The following LRMDA variants were observed in gnomAD, a reference collection of about 807,000 sequenced individuals.
LRMDA encodes the protein leucine rich melanocyte differentiation associated.
In LRMDA, 18 loss-of-function variants were observed where a neutral mutation model predicts 29.8. That is an observed-to-expected ratio of 0.60 (90% CI 0.42 to 0.90). The LOEUF is 0.90. Ranked by LOEUF, LRMDA falls within the 40% of genes least tolerant of loss-of-function variation. The probability of loss-of-function intolerance (pLI) is 0.00; values close to 1 mark genes in which losing one functional copy is unlikely to be tolerated. For missense variants in LRMDA, 273 were observed against 273.9 expected (o/e 1.00, Z 0.02); for synonymous variants, 125 against 109.4 (o/e 1.14, Z -0.89).
At chr10:75,717,534 C>T (rs961702833) in intron 2 of LRMDA, among the ~76,000 whole-genome samples, 4 of 152,206 alleles carry the variant, frequency 2.6e-5, no homozygotes, top group African/African-American at 9.7e-5. Flanking sequence ...CCTGCTGCAG[C>T]TTGTCTCTTC....
chr10:76,376,406 C>A (rs554939922), intron 6 of LRMDA, among the ~76,000 whole-genome samples: 2 of 152,170 alleles, frequency 1.3e-5, no homozygotes, highest in South Asian at 2.1e-4. Context: ...TACATACATA[C>A]AAACATACAC....
intron 2 of LRMDA, among the ~76,000 whole-genome samples, chr10:75,578,489 A>G (rs1840540657): frequency 6.6e-6 from 1 of 152,128 alleles, no homozygotes; most frequent in African/African-American, 2.4e-5. Context: ...TATTAGATCA[A>G]TGAGACAGAA....
chr10:76,284,921 C>A (rs1248984476), intron 5 of LRMDA, among the ~76,000 whole-genome samples: 1 of 152,172 alleles, frequency 6.6e-6, no homozygotes, highest in Non-Finnish European at 1.5e-5. Context: ...TGTGAGGCCT[C>A]CCCATCCATG....
At chr10:75,806,422 G>T (rs1843853224) in intron 2 of LRMDA, among the ~76,000 whole-genome samples, 1 of 152,206 alleles carries the variant, frequency 6.6e-6, no homozygotes, top group Admixed American at 6.5e-5. Flanking sequence ...AATTGTCAAT[G>T]ATTCTGGGTA....
intron 2 of LRMDA, among the ~76,000 whole-genome samples, chr10:75,722,142 A>G (rs1192263711): frequency 6.6e-6 from 1 of 152,172 alleles, no homozygotes; most frequent in East Asian, 1.9e-4. Flanking sequence ...ACAAATGGGT[A>G]TCAGTGGCCC....
intron 2 of LRMDA, among the ~76,000 whole-genome samples, chr10:75,970,337 T>C (rs1299177563): frequency 6.6e-6 from 1 of 152,206 alleles, no homozygotes; most frequent in Non-Finnish European, 1.5e-5. Flanking sequence ...TTCAGACCTT[T>C]CCATGGTGCC....
chr10:75,483,198 C>T (rs909292130), intron 2 of LRMDA, among the ~76,000 whole-genome samples: 2 of 152,212 alleles, frequency 1.3e-5, no homozygotes, highest in Admixed American at 6.5e-5. Flanking sequence ...CCACCCGCCT[C>T]AGCCTCCTAA....
chr10:76,392,957 G>A (rs543423926), intron 6 of LRMDA, among the ~76,000 whole-genome samples: 137 of 152,100 alleles, frequency 9.0e-4, no homozygotes, highest in Non-Finnish European at 1.6e-3. Context: ...TTCTTTGCCA[G>A]GCATATTTTA....
At chr10:76,435,258 C>T in intron 6 of LRMDA, among the ~76,000 whole-genome samples, 1 of 152,170 alleles carries the variant, frequency 6.6e-6, no homozygotes, top group Admixed American at 6.5e-5. Context: ...CTTCTCCAGG[C>T]CACACAGGAA....
chr10:76,079,653 G>A (rs1376260851), intron 5 of LRMDA, among the ~76,000 whole-genome samples: 1 of 152,176 alleles, frequency 6.6e-6, no homozygotes, highest in Non-Finnish European at 1.5e-5. Flanking sequence ...GGCCCAAGAA[G>A]TATGGAAAAG....
chr10:75,843,308 C>A (rs1304760462), intron 2 of LRMDA, among the ~76,000 whole-genome samples: 1 of 152,182 alleles, frequency 6.6e-6, no homozygotes, highest in Non-Finnish European at 1.5e-5. Flanking sequence ...TGAGGAAATG[C>A]ATTTCAGAGA....
chr10:75,560,216 T>A (rs1840273118), intron 2 of LRMDA, among the ~76,000 whole-genome samples: 1 of 152,074 alleles, frequency 6.6e-6, no homozygotes, highest in Non-Finnish European at 1.5e-5. Context: ...CATTGAGCAG[T>A]GGTTTGTAGT....
intron 2 of LRMDA, among the ~76,000 whole-genome samples, chr10:75,449,567 AC>A (rs1360347806): frequency 1.3e-5 from 2 of 150,216 alleles, no homozygotes; most frequent in East Asian, 2.0e-4. Context: ...TGTGGAAGTC[AC>A]TATACCAGGG....
At position 75,459,125 on chromosome 10, in the gene LRMDA, A is replaced by C. The variant is rs533094274; in HGVS notation, c.131+20631A>C. On this transcript the variant is annotated intron_variant, in intron 2 of 6. Transcript: ENST00000611255. ...AATTGATTTAATATTAGGAAAAAAA[A>C]CCCGCTGCTTTTAGAGTGTTAACTA... 3.5e-4 allele frequency among the ~76,000 whole-genome samples: 54 copies of C among 152,128 alleles called. No individual in the cohort carries two copies. In the East Asian group the frequency reaches 5.6e-3, roughly 16 times the overall value.
chr10:75,992,176 C>A (rs1847381963), intron 2 of LRMDA, among the ~76,000 whole-genome samples: 1 of 152,138 alleles, frequency 6.6e-6, no homozygotes, highest in Admixed American at 6.5e-5. Context: ...TGCAGAGTCA[C>A]AAGCTAGCAA....
chr10:75,843,979 G>A (rs974824844), intron 2 of LRMDA, among the ~76,000 whole-genome samples: 4 of 152,078 alleles, frequency 2.6e-5, no homozygotes, highest in Non-Finnish European at 4.4e-5. Flanking sequence ...GGCCCTTCTC[G>A]CTGGGCTGTG....
At chr10:75,696,057 CA>C (rs1842230123) in intron 2 of LRMDA, among the ~76,000 whole-genome samples, 1 of 151,748 alleles carries the variant, frequency 6.6e-6, no homozygotes, top group African/African-American at 2.4e-5. Flanking sequence ...TAAAAAAACC[CA>C]AAAAGATAAG....
At chr10:76,249,837 T>C (rs926019717) in intron 5 of LRMDA, among the ~76,000 whole-genome samples, 1 of 152,186 alleles carries the variant, frequency 6.6e-6, no homozygotes, top group African/African-American at 2.4e-5. Context: ...AGTTTCACTC[T>C]TGTTGCCCAG....
chr10:75,688,906 A>G (rs1343906955), intron 2 of LRMDA, among the ~76,000 whole-genome samples: 1 of 152,240 alleles, frequency 6.6e-6, no homozygotes, highest in Non-Finnish European at 1.5e-5. Flanking sequence ...ATTTTTAGCA[A>G]TAAAGTATTT....
Sources: allele counts gnomAD v4.1 joint callset (sites outside exome capture counted in the v4.1 genomes callset), GRCh38; gene constraint gnomAD v4.1.1; transcripts MANE v1.5; gene names NCBI Gene and HGNC (gene_info 2026-07-23, HGNC 2026-07-21).